ZNF723: variants seen among roughly 807,000 people sequenced by gnomAD.
The protein encoded by ZNF723 is zinc finger protein 723, pseudogene.
Under a neutral mutation model 9.4 loss-of-function variants are expected in ZNF723, and 5 were observed. That is an observed-to-expected ratio of 0.53 (90% CI 0.28 to 1.12). The LOEUF (loss-of-function observed/expected upper bound fraction) is 1.12. Ranked by LOEUF, ZNF723 falls within the 50% of genes most tolerant of loss-of-function variation. ZNF723 has a pLI of 0.10. For missense variants in ZNF723, 450 were observed against 501.5 expected (o/e 0.90, Z 0.98); for synonymous variants, 158 against 168.8 (o/e 0.94, Z 0.49).
At chr19:22,842,948 G>A (rs1967267699) in intron 1 of ZNF723, among the ~76,000 whole-genome samples, 1 of 152,186 alleles carries the variant, frequency 6.6e-6, no homozygotes, top group Admixed American at 6.5e-5. Context: ...ATCTTGTCCA[G>A]TGACCTGCTA....
upstream of ZNF723, among the ~76,000 whole-genome samples, chr19:22,831,923 T>C (rs1303971901): frequency 6.6e-6 from 1 of 151,564 alleles, no homozygotes; most frequent in South Asian, 2.1e-4. Flanking sequence ...AAAAAAATAA[T>C]AAATAAATAA....
intron 1 of ZNF723, among the ~76,000 whole-genome samples, chr19:22,832,976 G>A (rs2145203573): frequency 6.6e-6 from 1 of 152,176 alleles, no homozygotes; most frequent in South Asian, 2.1e-4. Flanking sequence ...CAAATTTCCT[G>A]ATTATGTAAT....
At chr19:22,831,445 T>A (rs774720937), upstream of ZNF723, among the ~76,000 whole-genome samples, 209 of 151,636 alleles carry the variant, frequency 1.4e-3, 1 homozygote, top group Non-Finnish European at 1.6e-3. Flanking sequence ...TAATCCAAGC[T>A]ACCCAGGAGG....
chr19:22,820,019 G>A, the ZNF723 span, among the ~76,000 whole-genome samples: 2 of 152,228 alleles, frequency 1.3e-5, no homozygotes, highest in South Asian at 2.1e-4. Flanking sequence ...CCTGGGCCAT[G>A]CCAAAAGGGG....
chr19:22,849,164 G>A (rs1295192947), intron 2 of ZNF723, 34 bp from the exon 3 acceptor site: 3 of 530,862 alleles, frequency 5.7e-6, no homozygotes, highest in East Asian at 5.9e-5. Context: ...AAGAATATGA[G>A]GAACATTCAT....
intron 1 of ZNF723, among the ~76,000 whole-genome samples, chr19:22,847,505 C>T (rs1013218356): frequency 6.6e-6 from 1 of 150,470 alleles, no homozygotes; most frequent in African/African-American, 2.5e-5. Flanking sequence ...TTCAGAAACT[C>T]AGACTTTATT....
upstream of ZNF723, among the ~76,000 whole-genome samples, chr19:22,828,330 G>A (rs1168386790): frequency 2.0e-5 from 3 of 152,138 alleles, no homozygotes; most frequent in African/African-American, 7.2e-5. Context: ...TCTGACCTAC[G>A]TAAGAACTTC....
At position 22,849,198 on chromosome 19, in the gene ZNF723, G is replaced by A. The variant is rs948720267; in HGVS notation, c.131G>A (p.Gly44Asp). The A allele has an allele frequency of 1.7e-6, 1 of 592,450 alleles. No individual in the cohort carries two copies. The highest frequency in any genetic ancestry group is 3.0e-5 in the South Asian group (1 of 33,876). 36.7% of individuals were successfully genotyped at this position (592,450 alleles called of 1,614,324 possible). A position where few individuals can be genotyped will look rare whatever the true frequency, so the allele number is the denominator to read the frequency against. ...ATGTTATTTATTTTTAATAAAACAG[G>A]TGTTGGTGTCTCTAAGCCAGATTTA... The part of the protein sequence containing the change: ...LENYRNLVFL[G>D]VGVSKPDLIT... Residue 44 changes from glycine to aspartate, a missense_variant and splice_region_variant, in exon 3 of 4, where the codon GGT becomes GAT. By Grantham distance (94) the Gly-to-Asp change is moderately conservative. This residue lies in a region of ZNF723 where 143 missense variants were observed against 101.3 expected (regional missense o/e 1.41). Coordinates refer to ENST00000600766, the MANE Select transcript of ZNF723 (RefSeq NM_001349726.2).
chr19:22,825,950 G>A, the ZNF723 span, among the ~76,000 whole-genome samples: 1 of 152,224 alleles, frequency 6.6e-6, no homozygotes, highest in Non-Finnish European at 1.5e-5. Flanking sequence ...ATATTGCTGA[G>A]TCTAGCACCT....
chr19:22,812,947 G>A, the ZNF723 span, among the ~76,000 whole-genome samples: 27 of 131,426 alleles, frequency 2.1e-4, no homozygotes, highest in Non-Finnish European at 3.8e-4. Flanking sequence ...CATATAGAAG[G>A]TGTTTTTTTT....
At chr19:22,838,716 T>C (rs1354137059) in intron 1 of ZNF723, among the ~76,000 whole-genome samples, 3 of 151,916 alleles carry the variant, frequency 2.0e-5, no homozygotes, top group Non-Finnish European at 4.4e-5. Flanking sequence ...TTTCTTTTTA[T>C]ATAAATATTC....
intron 1 of ZNF723, 100 bp from the exon 2 acceptor site, chr19:22,848,161 G>T: frequency 2.0e-6 from 1 of 500,110 alleles, no homozygotes; most frequent in Non-Finnish European, 3.6e-6. Flanking sequence ...GTCAGAACCT[G>T]TTCTCTTTAC....
At chr19:22,827,339 TA>T (rs1162911067), upstream of ZNF723, among the ~76,000 whole-genome samples, 3 of 151,160 alleles carry the variant, frequency 2.0e-5, no homozygotes, top group East Asian at 5.8e-4. Context: ...TTGAAATGAG[TA>T]GATCATTATC....
upstream of ZNF723, among the ~76,000 whole-genome samples, chr19:22,831,751 T>C (rs1342990449): frequency 6.6e-6 from 1 of 151,314 alleles, no homozygotes; most frequent in African/African-American, 2.4e-5. Flanking sequence ...CTACTAAAAG[T>C]CCAAAAATTA....
At chr19:22,834,821 A>G (rs1967144532) in intron 1 of ZNF723, among the ~76,000 whole-genome samples, 1 of 152,034 alleles carries the variant, frequency 6.6e-6, no homozygotes, top group Non-Finnish European at 1.5e-5. Context: ...ATTCTCTAAG[A>G]TTTGTGAAAA....
chr19:22,845,116 C>G (rs112700981), intron 1 of ZNF723, among the ~76,000 whole-genome samples: 1 of 152,072 alleles, frequency 6.6e-6, no homozygotes, highest in Non-Finnish European at 1.5e-5. Flanking sequence ...GAGACTCTGT[C>G]TCAAAAACAA....
At chr19:22,833,506 C>G (rs1018984997) in intron 1 of ZNF723, among the ~76,000 whole-genome samples, 8 of 152,208 alleles carry the variant, frequency 5.3e-5, no homozygotes, top group African/African-American at 1.9e-4. Flanking sequence ...ACCCCCCAAT[C>G]CTCCTTTACT....
chr19:22,845,465 T>G (rs113550676), intron 1 of ZNF723, among the ~76,000 whole-genome samples: 38 of 151,878 alleles, frequency 2.5e-4, no homozygotes, highest in African/African-American at 7.2e-4. Context: ...CCAGAATCAC[T>G]TATGAGGGGT....
the ZNF723 span, among the ~76,000 whole-genome samples, chr19:22,816,866 A>AGAG: frequency 1.3e-5 from 2 of 152,230 alleles, no homozygotes; most frequent in Non-Finnish European, 2.9e-5. Context: ...TGCCTACACA[A>AGAG]GATAGTGTGA....
Sources: allele counts gnomAD v4.1 joint callset (sites outside exome capture counted in the v4.1 genomes callset), GRCh38; gene constraint gnomAD v4.1.1; regional missense constraint gnomAD v4.1.1; transcripts MANE v1.5; gene names NCBI Gene and HGNC (gene_info 2026-07-23, HGNC 2026-07-21).